The following TRAK2 variants were observed in gnomAD, a reference collection of about 807,000 sequenced individuals.
TRAK2 encodes the protein trafficking kinesin-binding protein 2.
TRAK2 carries 81 observed loss-of-function variants against 104.6 expected under a neutral mutation model. The ratio of observed to expected loss-of-function variants is 0.77; its 90% CI spans 0.65 to 0.93. The LOEUF (loss-of-function observed/expected upper bound fraction) is 0.93. Ranked by LOEUF, TRAK2 falls within the 40% of genes least tolerant of loss-of-function variation. TRAK2 has a pLI of 0.00. For synonymous variants in TRAK2, 406 were observed against 394.4 expected (o/e 1.03, Z -0.35); for missense variants, 1,002 against 1,089.0 (o/e 0.92, Z 1.12).
chr2:201,390,004 G>GA, intron 10 of TRAK2, 124 bp from the exon 11 acceptor site: 1 of 617,346 alleles, frequency 1.6e-6, no homozygotes, highest in South Asian at 2.7e-5. Context: ...ACATTCAGGG[G>GA]AAAAAAGACA....
intron 1 of TRAK2, among the ~76,000 whole-genome samples, chr2:201,429,714 A>G (rs13408390): frequency 0.055 from 8,355 of 152,176 alleles, 421 homozygotes; most frequent in African/African-American, 0.14. Context: ...CAGCTCCCTC[A>G]GGTCATTTGA....
rs1049351406 is a variant in TRAK2, at chr2:201,411,326, A to G, written c.92-3729T>C. 3 of 756,720 alleles carry G rather than the reference A, an allele frequency of 4.0e-6. No homozygotes were observed. In the African/African-American group the frequency reaches 5.1e-5, roughly 13 times the overall value. 46.9% of individuals were successfully genotyped at this position (756,720 alleles called of 1,614,324 possible). A position where few individuals can be genotyped will look rare whatever the true frequency, so the allele number is the denominator to read the frequency against. ...GTGATGCTCTTTTATGTTTATTCTG[A>G]AACCCATCCTCTTTATTTTCGGAAT... On this transcript the variant is annotated intron_variant, in intron 2 of 15. Coordinates refer to ENST00000332624, the MANE Select transcript of TRAK2 (RefSeq NM_015049.3).
At chr2:201,393,648 A>C (rs759018850) in intron 9 of TRAK2, among the ~76,000 whole-genome samples, 4 of 152,182 alleles carry the variant, frequency 2.6e-5, no homozygotes, top group Non-Finnish European at 5.9e-5. Context: ...GAAGATGCTT[A>C]TTAAAAATGC....
chr2:201,427,451 T>C (rs1951799793), intron 1 of TRAK2, among the ~76,000 whole-genome samples: 1 of 152,138 alleles, frequency 6.6e-6, no homozygotes, highest in Non-Finnish European at 1.5e-5. Context: ...GATAGTTTGC[T>C]CACAATGATG....
chr2:201,394,896 T>C (rs781280509), intron 8 of TRAK2, 24 bp from the exon 9 acceptor site: 3 of 1,590,072 alleles, frequency 1.9e-6, no homozygotes, highest in East Asian at 2.2e-5. Context: ...AAAAAAGACA[T>C]GTGAAGCCTT....
Position 201,447,183 on chromosome 2 carries a change from T to A in TRAK2, c.-200+4167A>T, listed in dbSNP as rs1951971211. Among the ~76,000 whole-genome samples, 1 of 152,224 alleles carries A rather than the reference T, an allele frequency of 6.6e-6. No individual in the cohort carries two copies. The highest frequency in any genetic ancestry group is 2.4e-5 in the African/African-American group (1 of 41,460). On this transcript the variant is annotated intron_variant, in intron 1 of 15. Transcript: ENST00000332624. The surrounding 1 kb of genome is among the most constrained non-coding windows in gnomAD (Gnocchi z 4.1). ...ACTGCTACAAACCACCTCCATCCCA[T>A]CTTCCTTAGGATAAAGTTTAAGCCC...
chr2:201,420,598 A>C lies in TRAK2; in HGVS notation c.-91T>G. The C allele has an allele frequency of 9.6e-7, 1 of 1,044,448 alleles. No homozygotes were observed. The highest frequency in any genetic ancestry group is 1.5e-6 in the Non-Finnish European group (1 of 680,504). 64.7% of individuals were successfully genotyped at this position (1,044,448 alleles called of 1,614,324 possible). A position where few individuals can be genotyped will look rare whatever the true frequency, so the allele number is the denominator to read the frequency against. ...ATCAAGCCATTCAATAATGAAATGG[A>C]TTTGGTCACATGGATATTTTCTTTT... On this transcript the variant is annotated 5_prime_UTR_variant, in exon 2 of 16. Transcript: ENST00000332624.
rs766954296 is a variant in TRAK2, at chr2:201,399,508, A to G, written c.364-15T>C. On this transcript the variant is annotated splice_polypyrimidine_tract_variant and intron_variant, in intron 4 of 15. Coordinates refer to ENST00000332624, the MANE Select transcript of TRAK2 (RefSeq NM_015049.3). ...TCACGATCCCTCTGTTAAAATACCA[A>G]ATACACCTTTTCTTTGAGTATAAAC... is the stretch of plus-strand genomic sequence containing the variant. 11 of 1,590,232 alleles carry G rather than the reference A, an allele frequency of 6.9e-6. No individual in the cohort carries two copies. The highest frequency in any genetic ancestry group is 7.8e-6 in the Non-Finnish European group (9 of 1,159,398).
At position 201,450,929 on chromosome 2, in the gene TRAK2, A is replaced by C. The variant is rs1576545016; in HGVS notation, c.-200+421T>G. ...TCAAAATCAATTGCAAGAAAAGCCC[A>C]ACTCTATTTGACCCAGAAAGAGCTC... On this transcript the variant is annotated intron_variant, in intron 1 of 15. Transcript: ENST00000332624. Among the ~76,000 whole-genome samples the C allele has an allele frequency of 2.0e-5, 3 of 152,286 alleles. No homozygotes were observed. The South Asian group carries it at 6.2e-4, about 32-fold the overall frequency.
rs1248513519 is a variant in TRAK2, at chr2:201,378,802, T to C, written c.*1741A>G. On this transcript the variant is annotated 3_prime_UTR_variant, in exon 16 of 16. Coordinates refer to ENST00000332624, the MANE Select transcript of TRAK2 (RefSeq NM_015049.3). ...TATTTAGAAAAATTTTATTGAGAGA[T>C]TCTAAAAAGTATAAGAAACTAACAA... is the stretch of plus-strand genomic sequence containing the variant. 2 of 152,188 alleles carry C rather than the reference T, an allele frequency of 1.3e-5. No homozygotes were observed. Among genetic ancestry groups the C allele is most frequent in the African/African-American group, 4.8e-5 (2 of 41,454 alleles). 9.4% of individuals were successfully genotyped at this position (152,188 alleles called of 1,614,324 possible).
chr2:201,389,214 T>C (rs543764042), intron 12 of TRAK2, 86 bp downstream of exon 12: 3 of 1,267,010 alleles, frequency 2.4e-6, no homozygotes, highest in East Asian at 2.3e-5. Context: ...CTTGGGACAG[T>C]AGAGTAATGC....
At chr2:201,418,204 C>T (rs2125653767) in intron 2 of TRAK2, among the ~76,000 whole-genome samples, 1 of 152,234 alleles carries the variant, frequency 6.6e-6, no homozygotes, top group East Asian at 1.9e-4. Flanking sequence ...TAGGGACAGG[C>T]TCTCTCATTC....
At chr2:201,427,670 C>A (rs1042710584) in intron 1 of TRAK2, among the ~76,000 whole-genome samples, 1 of 152,118 alleles carries the variant, frequency 6.6e-6, no homozygotes, top group African/African-American at 2.4e-5. Context: ...GATTTATAAT[C>A]CTTTGGGTAT....
chr2:201,427,327 C>A (rs1215082342), intron 1 of TRAK2, among the ~76,000 whole-genome samples: 1 of 144,586 alleles, frequency 6.9e-6, no homozygotes, highest in Admixed American at 6.9e-5. Context: ...TCCCCCCTCC[C>A]CGCACCCCAA....
chr2:201,436,152 GA>G (rs926196256), intron 1 of TRAK2, among the ~76,000 whole-genome samples: 34 of 151,046 alleles, frequency 2.3e-4, no homozygotes, highest in Non-Finnish European at 3.8e-4. Flanking sequence ...ATTAAAAAAG[GA>G]AAAAAAACAA....
intron 1 of TRAK2, among the ~76,000 whole-genome samples, chr2:201,449,108 T>C (rs1414387424): frequency 6.6e-6 from 1 of 151,376 alleles, no homozygotes; most frequent in East Asian, 1.9e-4. Context: ...TTTCGGGTCT[T>C]ACTGAGCAGT....
At chr2:201,392,463 T>C (rs1012698003) in intron 10 of TRAK2, among the ~76,000 whole-genome samples, 2 of 152,120 alleles carry the variant, frequency 1.3e-5, no homozygotes, top group African/African-American at 4.8e-5. Context: ...AAAAATACCA[T>C]TTATAAATGA....
rs183258465 is a variant in TRAK2, at chr2:201,447,670, C to G, written c.-200+3680G>C. Among the ~76,000 whole-genome samples the G allele has an allele frequency of 5.9e-5, 9 of 152,300 alleles. No individual in the cohort carries two copies. Among genetic ancestry groups the G allele is most frequent in the African/African-American group, 2.2e-4 (9 of 41,574 alleles). On this transcript the variant is annotated intron_variant, in intron 1 of 15. Transcript: ENST00000332624. This position sits in a 1 kb window ranked among gnomAD's most constrained non-coding sequence, Gnocchi z 4.1. ...CAGACTGGATTAGAACCCACCCTAA[C>G]GGCTTCATCTGAACTTAATCACCCC...
Position 201,381,183 on chromosome 2 carries a change from C to T in TRAK2, c.2105G>A (p.Gly702Asp). 1 of 1,612,554 alleles carries T rather than the reference C, an allele frequency of 6.2e-7. No homozygotes were observed. The highest frequency in any genetic ancestry group is 8.5e-7 in the Non-Finnish European group (1 of 1,179,548). Residue 702 changes from glycine to aspartate, a missense_variant, in exon 16 of 16, where the codon GGT becomes GAT. Physicochemically the swap from Gly to Asp is moderately conservative, Grantham distance 94. Coordinates refer to ENST00000332624, the MANE Select transcript of TRAK2 (RefSeq NM_015049.3). The part of the protein sequence containing the change: ...GFPSLSCGSS[G>D]SSSSNTAVNS... ...CACAGCCGTGTTGGATGAACTGCTACCGCTACTTCCACAGGATAATGAAGG... is the reference window on the plus strand; with the variant it reads ...CACAGCCGTGTTGGATGAACTGCTATCGCTACTTCCACAGGATAATGAAGG...
Sources: gnomAD v4.1 joint callset for allele counts (sites outside exome capture counted in the v4.1 genomes callset) on GRCh38, gnomAD v4.1.1 for gene constraint, Gnocchi (gnomAD v3.1) non-coding constraint, MANE v1.5 for transcripts, NCBI Gene and HGNC (gene_info 2026-07-23, HGNC 2026-07-21) for gene names.